The following TXNRD1 variants were observed in gnomAD, a reference collection of about 807,000 sequenced individuals.
The protein encoded by TXNRD1 is thioredoxin reductase 1, cytoplasmic.
In TXNRD1, 57 loss-of-function variants were observed where a neutral mutation model predicts 80.3. The ratio of observed to expected loss-of-function variants is 0.71; its 90% confidence interval spans 0.57 to 0.89. TXNRD1 has a LOEUF of 0.89. TXNRD1 is among the 40% of genes least tolerant of loss of function. The pLI is 0.00. For missense variants in TXNRD1, 730 were observed against 803.0 expected (o/e 0.91, Z 1.10); for synonymous variants, 291 against 285.2 (o/e 1.02, Z -0.20).
chr12:104,342,125 T>C (rs1187006809), intron 16 of TXNRD1, among the ~76,000 whole-genome samples: 1 of 152,138 alleles, frequency 6.6e-6, no homozygotes, highest in Non-Finnish European at 1.5e-5. Context: ...GGTCCCATTA[T>C]GTAGGCATGA....
intron 3 of TXNRD1, among the ~76,000 whole-genome samples, chr12:104,268,300 A>T (rs112900655): frequency 9.3e-5 from 14 of 151,154 alleles, no homozygotes; most frequent in African/African-American, 3.4e-4. Context: ...TCACGAGGTC[A>T]GGAGATGGAG....
rs1395935057 is a variant in TXNRD1, at chr12:104,294,240, C to A, written c.414+5200C>A. ...AAACTCCCCCGGGGAAAGGCCCCCC[C>A]CCCCGCCGCCGGCTTTCCCGGTCTG... On this transcript the variant is annotated intron_variant, in intron 4 of 16. Transcript: ENST00000525566. Among the ~76,000 whole-genome samples the A allele has an allele frequency of 4.0e-5, 5 of 123,636 alleles. 2 individuals are homozygous for A. Among genetic ancestry groups the A allele is most frequent in the African/African-American group, 6.0e-5 (2 of 33,260 alleles). 81.1% of individuals were successfully genotyped at this position (123,636 alleles called of 152,430 possible). A position where few individuals can be genotyped will look rare whatever the true frequency, so the allele number is the denominator to read the frequency against.
At chr12:104,294,251 G>A (rs1006782193) in intron 4 of TXNRD1, among the ~76,000 whole-genome samples, 3 of 105,776 alleles carry the variant, frequency 2.8e-5, no homozygotes, top group Admixed American at 1.2e-4. Flanking sequence ...CCCCGCCGCC[G>A]GCTTTCCCGG....
intron 4 of TXNRD1, among the ~76,000 whole-genome samples, chr12:104,299,696 G>T (rs1346772526): frequency 6.6e-6 from 1 of 151,624 alleles, no homozygotes; most frequent in Non-Finnish European, 1.5e-5. Flanking sequence ...GAGTCCGGGG[G>T]GTGTAGGTTG....
chr12:104,259,771 A>G (rs2033327029), intron 3 of TXNRD1, among the ~76,000 whole-genome samples: 1 of 151,916 alleles, frequency 6.6e-6, no homozygotes, highest in Non-Finnish European at 1.5e-5. Flanking sequence ...TACAGGTGTG[A>G]GCCACCACGC....
chr12:104,304,080 A>G (rs1379195616), intron 4 of TXNRD1: 2 of 1,613,828 alleles, frequency 1.2e-6, no homozygotes, highest in Non-Finnish European at 1.7e-6. Context: ...CAGCTCATGT[A>G]CTGCGTGCGG....
At chr12:104,335,459 C>G (rs1308600743) in intron 15 of TXNRD1, among the ~76,000 whole-genome samples, 1 of 152,172 alleles carries the variant, frequency 6.6e-6, no homozygotes, top group African/African-American at 2.4e-5. Flanking sequence ...CTTGGTCTCC[C>G]AAAGTGCTGG....
chr12:104,348,362 A>ACATTGTCTG lies in TXNRD1; in HGVS notation c.1892_1900dup (p.Ser633_Val634insAlaLeuSer). 1 of 1,614,042 alleles carries ACATTGTCTG rather than the reference A, an allele frequency of 6.2e-7. No homozygotes were observed. Among genetic ancestry groups the ACATTGTCTG allele is most frequent in the Non-Finnish European group, 8.5e-7 (1 of 1,179,882 alleles). On this transcript the variant is annotated inframe_insertion, in exon 17 of 17. Transcript: ENST00000525566. ...TTCTCTTCCCCTGCAGGTATTCACA[A>ACATTGTCTG]CATTGTCTGTGACCAAGCGCTCTGG...
intron 4 of TXNRD1, among the ~76,000 whole-genome samples, chr12:104,290,640 A>G (rs2034148934): frequency 6.8e-6 from 1 of 147,190 alleles, no homozygotes; most frequent in Non-Finnish European, 1.5e-5. Context: ...TGGAGGTTGC[A>G]ATGAGCTGAG....
At chr12:104,271,621 A>C (rs1175923756) in intron 3 of TXNRD1, among the ~76,000 whole-genome samples, 1 of 152,162 alleles carries the variant, frequency 6.6e-6, no homozygotes, top group Non-Finnish European at 1.5e-5. Context: ...GGAGATTACA[A>C]AGTACATTGA....
intron 1 of TXNRD1, among the ~76,000 whole-genome samples, chr12:104,242,671 C>A (rs1278729882): frequency 6.6e-6 from 1 of 152,158 alleles, no homozygotes; most frequent in Non-Finnish European, 1.5e-5. Context: ...TTTGGTCCTT[C>A]AGTACCTCTT....
chr12:104,313,498 AT>A (rs1256415896), intron 6 of TXNRD1, among the ~76,000 whole-genome samples, 181 bp downstream of exon 6: 2 of 152,228 alleles, frequency 1.3e-5, no homozygotes, highest in Non-Finnish European at 2.9e-5. Flanking sequence ...AATGCTAAAA[AT>A]TTAGGTTCTT....
At chr12:104,312,124 A>T (rs1255119153) in intron 5 of TXNRD1, among the ~76,000 whole-genome samples, 4 of 152,104 alleles carry the variant, frequency 2.6e-5, no homozygotes, top group East Asian at 1.9e-4. Flanking sequence ...CACTTGAATG[A>T]TTTCCCTGTT....
chr12:104,322,254 A>C (rs1369670879), intron 10 of TXNRD1, among the ~76,000 whole-genome samples: 3 of 152,172 alleles, frequency 2.0e-5, no homozygotes. Flanking sequence ...GTAATTAGAA[A>C]AGTACCTGGT....
intron 4 of TXNRD1, among the ~76,000 whole-genome samples, chr12:104,290,156 T>A (rs1163735786): frequency 6.6e-6 from 1 of 152,278 alleles, no homozygotes; most frequent in Non-Finnish European, 1.5e-5. Flanking sequence ...TGTAAAAATA[T>A]ATTTAGATGT....
At chr12:104,314,154 A>G (rs2035233803) in intron 6 of TXNRD1, among the ~76,000 whole-genome samples, 1 of 152,142 alleles carries the variant, frequency 6.6e-6, no homozygotes, top group Non-Finnish European at 1.5e-5. Flanking sequence ...CCAGAGAGGA[A>G]GGCAGGTGTC....
intron 9 of TXNRD1, among the ~76,000 whole-genome samples, chr12:104,320,036 A>G: frequency 6.6e-6 from 1 of 152,232 alleles, no homozygotes; most frequent in African/African-American, 2.4e-5. Flanking sequence ...CAGGCCATTT[A>G]GATTTATCAG....
At chr12:104,269,591 T>C in intron 3 of TXNRD1, among the ~76,000 whole-genome samples, 1 of 151,708 alleles carries the variant, frequency 6.6e-6, no homozygotes, top group East Asian at 1.9e-4. Context: ...GTTGTTGAGA[T>C]GGAGTCTTGC....
chr12:104,260,766 T>C (rs913309438), intron 3 of TXNRD1, among the ~76,000 whole-genome samples: 4 of 152,290 alleles, frequency 2.6e-5, no homozygotes, highest in Non-Finnish European at 5.9e-5. Context: ...TTAAGTCACT[T>C]GCAACTTGCT....
Sources: allele counts gnomAD v4.1 joint callset (sites outside exome capture counted in the v4.1 genomes callset), GRCh38; gene constraint gnomAD v4.1.1; transcripts MANE v1.5; gene names NCBI Gene and HGNC (gene_info 2026-07-23, HGNC 2026-07-21).